The following RASSF4 variants were observed in gnomAD, a reference collection of about 807,000 sequenced individuals.
The protein encoded by RASSF4 is Ras association domain family member 4.
RASSF4 carries 38 observed loss-of-function variants against 41.1 expected under a neutral mutation model. The observed-to-expected ratio is 0.92, with a 90% CI of 0.71 to 1.21. RASSF4 has a LOEUF of 1.21. Among genes scored for constraint, RASSF4 ranks in the 50% most tolerant of loss-of-function variants. The pLI is 0.00. For synonymous variants in RASSF4, 179 were observed against 163.4 expected, an observed-to-expected ratio of 1.10 and a Z score of -0.73; for missense variants, 414 against 419.4, an observed-to-expected ratio of 0.99 and a Z score of 0.11.
chr10:44,973,635 G>A (rs757082979), intron 3 of RASSF4, among the ~76,000 whole-genome samples: 1 of 152,220 alleles, frequency 6.6e-6, no homozygotes, highest in Non-Finnish European at 1.5e-5. Context: ...AGCCCTCCAG[G>A]GCATTCTGGT....
chr10:44,970,451 A>G (rs1564453333), intron 2 of RASSF4, 187 bp downstream of exon 2: 2 of 583,490 alleles, frequency 3.4e-6, no homozygotes, highest in East Asian at 5.6e-5. Flanking sequence ...ACACATGACC[A>G]TGGCTGGGAG....
At chr10:44,975,940 G>A (rs75031949) in intron 3 of RASSF4, among the ~76,000 whole-genome samples, 75 of 152,196 alleles carry the variant, frequency 4.9e-4, no homozygotes, top group African/African-American at 1.7e-3. Context: ...ATGCTTTGCA[G>A]AAGGGGCTGT....
At chr10:44,971,423 G>T in intron 2 of RASSF4, 1 of 487,342 alleles carries the variant, frequency 2.1e-6, no homozygotes. Context: ...AGCAAGTCCA[G>T]GGCATTTACT....
chr10:44,992,298 C>T (rs78270193), intron 10 of RASSF4, among the ~76,000 whole-genome samples: 113 of 152,366 alleles, frequency 7.4e-4, no homozygotes, highest in Admixed American at 2.6e-3. Flanking sequence ...GAAAGTCAGG[C>T]AGGAACCCAA....
chr10:44,972,216 C>T (rs1403814558), intron 3 of RASSF4, among the ~76,000 whole-genome samples: 1 of 152,148 alleles, frequency 6.6e-6, no homozygotes, highest in Non-Finnish European at 1.5e-5. Context: ...AGGAGTCAGT[C>T]CCTCTCTGTT....
At chr10:44,985,348 G>A (rs757738977) in intron 6 of RASSF4, among the ~76,000 whole-genome samples, 5 of 152,242 alleles carry the variant, frequency 3.3e-5, no homozygotes, top group Non-Finnish European at 5.9e-5. Flanking sequence ...GGTGTGCCCA[G>A]GGCACATGTG....
chr10:44,966,708 A>T (rs1471389135), intron 1 of RASSF4, among the ~76,000 whole-genome samples: 2 of 152,144 alleles, frequency 1.3e-5, no homozygotes, highest in African/African-American at 4.8e-5. Context: ...CATCTCAGAG[A>T]GTTGCCTGGT....
intron 1 of RASSF4, among the ~76,000 whole-genome samples, chr10:44,962,636 C>A (rs1379718480): frequency 6.6e-6 from 1 of 152,186 alleles, no homozygotes; most frequent in Non-Finnish European, 1.5e-5. Context: ...GCACTCCCAG[C>A]CCCAGGCAAT....
intron 9 of RASSF4, 52 bp from the exon 10 acceptor site, chr10:44,991,853 A>G (rs1842124016): frequency 7.8e-7 from 1 of 1,281,104 alleles, no homozygotes; most frequent in Admixed American, 1.8e-5. Context: ...AAAAGAAAAC[A>G]TACTTTTGGC....
chr10:44,977,188 C>G (rs771637762), intron 3 of RASSF4: 61 of 588,288 alleles, frequency 1.0e-4, no homozygotes, highest in Non-Finnish European at 3.7e-5. Flanking sequence ...TCAGAGCGAA[C>G]GGGATTGGTA....
At chr10:44,964,821 A>T (rs1840840998) in intron 1 of RASSF4, among the ~76,000 whole-genome samples, 2 of 152,158 alleles carry the variant, frequency 1.3e-5, no homozygotes, top group Admixed American at 1.3e-4. Context: ...TCTTTCAGAC[A>T]CCCCTTAGGT....
chr10:44,970,044 G>GTGCCAAGGCGGTGTGA, intron 1 of RASSF4, 121 bp from the exon 2 acceptor site: 1 of 670,180 alleles, frequency 1.5e-6, no homozygotes. Flanking sequence ...CAGCCACCTT[G>GTGCCAAGGCGGTGTGA]TGCCAAGGCG....
At chr10:44,979,346 A>C (rs1841603378) in intron 3 of RASSF4, among the ~76,000 whole-genome samples, 1 of 152,108 alleles carries the variant, frequency 6.6e-6, no homozygotes, top group African/African-American at 2.4e-5. Flanking sequence ...TTGTTTGTTT[A>C]CTTGTTCACC....
chr10:44,981,162 C>T (rs1431275822), intron 3 of RASSF4: 1 of 152,156 alleles, frequency 6.6e-6, no homozygotes, highest in East Asian at 1.9e-4. Context: ...CATGGCGTCC[C>T]TGTTCTCACA....
intron 6 of RASSF4, among the ~76,000 whole-genome samples, chr10:44,988,224 T>C (rs182891062): frequency 2.0e-5 from 3 of 152,284 alleles, no homozygotes; most frequent in Admixed American, 2.0e-4. Context: ...AACAAGCTGG[T>C]TAACCTCCTA....
intron 1 of RASSF4, among the ~76,000 whole-genome samples, chr10:44,962,942 G>C (rs1840761459): frequency 6.6e-6 from 1 of 152,240 alleles, no homozygotes; most frequent in Non-Finnish European, 1.5e-5. Flanking sequence ...TGGCTGCTCA[G>C]GGCCAGGCTC....
chr10:44,972,067 G>A (rs1334252586), intron 3 of RASSF4, among the ~76,000 whole-genome samples: 1 of 152,186 alleles, frequency 6.6e-6, no homozygotes, highest in East Asian at 1.9e-4. Context: ...GAGGGTCAGT[G>A]CATCCCTTCC....
intron 1 of RASSF4, among the ~76,000 whole-genome samples, chr10:44,966,972 T>C (rs1475274556): frequency 1.3e-5 from 2 of 152,250 alleles, no homozygotes; most frequent in East Asian, 1.9e-4. Context: ...TGCAAAGATG[T>C]TTAGTTTATT....
chr10:44,984,535 C>G, intron 5 of RASSF4: 1 of 528,556 alleles, frequency 1.9e-6, no homozygotes, highest in South Asian at 2.8e-5. Context: ...GCTCAGAAGA[C>G]AGGGCTGGGG....
Sources: gnomAD v4.1 joint callset for allele counts (sites outside exome capture counted in the v4.1 genomes callset) on GRCh38, gnomAD v4.1.1 for gene constraint, MANE v1.5 for transcripts, NCBI Gene and HGNC (gene_info 2026-07-23, HGNC 2026-07-21) for gene names.